Variants in DPH5 observed in about 807,000 individuals in gnomAD.
DPH5 encodes diphthine methyl ester synthase.
Under a neutral mutation model 31.6 loss-of-function variants are expected in DPH5, and 31 were observed. The observed-to-expected ratio is 0.98, with a 90% CI of 0.74 to 1.32. The LOEUF (loss-of-function observed/expected upper bound fraction) is 1.32. Among genes scored for constraint, DPH5 ranks in the 40% most tolerant of loss-of-function variants. The pLI, the probability that DPH5 is intolerant of heterozygous loss-of-function variation, is 0.00. For missense variants in DPH5, 309 were observed against 335.7 expected (o/e 0.92, Z 0.62); for synonymous variants, 120 against 115.0 (o/e 1.04, Z -0.28).
intron 5 of DPH5, among the ~76,000 whole-genome samples, chr1:100,997,600 C>T (rs986162812): frequency 2.6e-5 from 4 of 152,096 alleles, no homozygotes; most frequent in African/African-American, 9.7e-5. Context: ...CTTCTGACCT[C>T]GTGATCCACC....
At chr1:100,993,266 T>C (rs1657949640) in intron 6 of DPH5, among the ~76,000 whole-genome samples, 2 of 151,934 alleles carry the variant, frequency 1.3e-5, no homozygotes, top group Non-Finnish European at 2.9e-5. Flanking sequence ...AATATAGCCA[T>C]TGCAGGCCAG....
chr1:101,015,604 C>T lies in DPH5; in HGVS notation c.261-1786G>A, dbSNP rs182145935. On this transcript the variant is annotated intron_variant, in intron 3 of 7. Coordinates refer to ENST00000370109, the MANE Select transcript of DPH5 (RefSeq NM_015958.3). Reference sequence around the variant, plus strand: ...ATCTAGAGTCACCAGCTGCATTAGCCCTACCAAGAGTTAGCCAGTCCTTTT... The same window carrying T: ...ATCTAGAGTCACCAGCTGCATTAGCTCTACCAAGAGTTAGCCAGTCCTTTT... Among the ~76,000 whole-genome samples the T allele has an allele frequency of 1.2e-3, 178 of 152,274 alleles. 1 individual carries two copies. The highest frequency in any genetic ancestry group is 4.2e-3 in the African/African-American group (173 of 41,534).
intron 4 of DPH5, among the ~76,000 whole-genome samples, chr1:101,006,480 G>A (rs1659239989): frequency 6.6e-6 from 1 of 152,058 alleles, no homozygotes; most frequent in South Asian, 2.1e-4. Flanking sequence ...GTCAAAAACT[G>A]TTCCTAAGTG....
chr1:101,023,848 CTAAAGT>C (rs1251040824), intron 2 of DPH5, among the ~76,000 whole-genome samples: 2 of 152,192 alleles, frequency 1.3e-5, no homozygotes, highest in African/African-American at 4.8e-5. Flanking sequence ...AAAAAAGACA[CTAAAGT>C]TAAAGGACTT....
chr1:101,004,065 A>G (rs1659056053), intron 4 of DPH5, among the ~76,000 whole-genome samples: 1 of 152,220 alleles, frequency 6.6e-6, no homozygotes. Context: ...CAAGTCACAT[A>G]TAAACACTAA....
chr1:101,007,391 C>T (rs1196925265), intron 4 of DPH5, among the ~76,000 whole-genome samples: 1 of 152,158 alleles, frequency 6.6e-6, no homozygotes, highest in East Asian at 1.9e-4. Context: ...CTAACTGCTT[C>T]TGCAGAAATG....
intron 4 of DPH5, among the ~76,000 whole-genome samples, chr1:101,005,803 T>C (rs1483505493): frequency 6.6e-6 from 1 of 152,148 alleles, no homozygotes; most frequent in Non-Finnish European, 1.5e-5. Context: ...GAGTTTATAA[T>C]ATGATAAAGT....
At chr1:101,009,768 A>G (rs1659498363) in intron 4 of DPH5, among the ~76,000 whole-genome samples, 1 of 152,124 alleles carries the variant, frequency 6.6e-6, no homozygotes, top group South Asian at 2.1e-4. Context: ...TAACATCTAA[A>G]CTCCTAATGT....
At chr1:101,017,831 CATGA>C (rs1660180464) in intron 3 of DPH5, among the ~76,000 whole-genome samples, 1 of 152,126 alleles carries the variant, frequency 6.6e-6, no homozygotes, top group Non-Finnish European at 1.5e-5. Context: ...TAAAAAATAA[CATGA>C]ATGTCAATTA....
intron 5 of DPH5, among the ~76,000 whole-genome samples, chr1:100,999,212 G>A (rs557919021): frequency 3.3e-5 from 5 of 152,330 alleles, no homozygotes; most frequent in African/African-American, 9.6e-5. Context: ...CACTTTGGGG[G>A]GCCAAGGTAG....
chr1:100,998,217 G>A (rs1658542664), intron 5 of DPH5, among the ~76,000 whole-genome samples: 1 of 152,034 alleles, frequency 6.6e-6, no homozygotes, highest in South Asian at 2.1e-4. Flanking sequence ...TAGATGCCAA[G>A]AATAAAAGGG....
Position 100,990,097 on chromosome 1 carries a change from T to C in DPH5, c.*311A>G. 2.9e-6 allele frequency: 1 copy of C among 346,804 alleles called. No individual in the cohort carries two copies. The allele number at this position is 346,804 out of a possible 1,614,324, so 21.5% of individuals were successfully genotyped here. ...AAGAGGTTTAATTTTCGACTCACAG[T>C]TCCACATGGCTGGGAAGGCCTCAGG... On this transcript the variant is annotated 3_prime_UTR_variant, in exon 8 of 8. Transcript: ENST00000370109.
intron 5 of DPH5, among the ~76,000 whole-genome samples, chr1:100,996,677 T>A (rs547178087): frequency 7.2e-5 from 11 of 152,228 alleles, no homozygotes; most frequent in Non-Finnish European, 1.3e-4. Context: ...CTGGGCAACG[T>A]AAGTCCTAAC....
intron 7 of DPH5, among the ~76,000 whole-genome samples, chr1:100,991,228 T>C (rs1453489738): frequency 3.9e-5 from 6 of 152,240 alleles, no homozygotes; most frequent in Non-Finnish European, 7.3e-5. Flanking sequence ...TTTATGTTTT[T>C]CAGTTAAAAA....
rs1407633692 is a variant in DPH5 at position 101,021,711 on chromosome 1, C to G, written c.190G>C (p.Glu64Gln). 1.2e-6 allele frequency: 2 copies of G among 1,613,758 alleles called. No homozygotes were observed. Among genetic ancestry groups the G allele is most frequent in the Admixed American group, 1.7e-5 (1 of 59,984 alleles). ...GCATCCTTTAAAATATTATCTGCTT[C>G]TTGTTCCACTTCTTCTCTATCAGCA... ...VVADREEVEQ[E>Q]ADNILKDADI... The change falls in exon 3 of 8, where the codon GAA becomes CAA. Residue 64 changes from glutamate (E) to glutamine (Q), a missense_variant. Coordinates refer to ENST00000370109, the MANE Select transcript of DPH5 (RefSeq NM_015958.3).
intron 3 of DPH5, 41 bp from the exon 4 acceptor site, chr1:101,013,859 A>C: frequency 6.9e-7 from 1 of 1,458,344 alleles, no homozygotes; most frequent in East Asian, 2.3e-5. Flanking sequence ...AGCAAACAAC[A>C]CTTTTAAGAC....
chr1:101,002,084 T>C (rs969858618), intron 4 of DPH5, among the ~76,000 whole-genome samples: 1 of 152,176 alleles, frequency 6.6e-6, no homozygotes, highest in Admixed American at 6.5e-5. Flanking sequence ...CATCACACTA[T>C]CTCAAGAAAA....
intron 2 of DPH5, 184 bp downstream of exon 2, chr1:101,025,125 A>AT (rs1296390653): frequency 2.8e-6 from 2 of 705,638 alleles, no homozygotes; most frequent in Non-Finnish European, 2.2e-6. Context: ...GCACCCTTTC[A>AT]TTTTCCAAGT....
chr1:100,997,034 T>C (rs1440882854), intron 5 of DPH5, among the ~76,000 whole-genome samples: 1 of 152,244 alleles, frequency 6.6e-6, no homozygotes, highest in Non-Finnish European at 1.5e-5. Flanking sequence ...GAAGATACAT[T>C]GTTTAACCTT....
Sources: gnomAD v4.1 joint callset for allele counts (sites outside exome capture counted in the v4.1 genomes callset) on GRCh38, gnomAD v4.1.1 for gene constraint, MANE v1.5 for transcripts, NCBI Gene and HGNC (gene_info 2026-07-23, HGNC 2026-07-21) for gene names.